The following PAMR1 variants were observed in gnomAD, a reference collection of about 807,000 sequenced individuals.
PAMR1 encodes inactive serine protease PAMR1.
Under a neutral mutation model 81.8 loss-of-function variants are expected in PAMR1, and 88 were observed. The observed-to-expected ratio is 1.08, with a 90% CI of 0.91 to 1.28. The LOEUF (loss-of-function observed/expected upper bound fraction) is 1.28, where lower values mean the gene tolerates loss of function less well. Among genes scored for constraint, PAMR1 ranks in the 50% most tolerant of loss-of-function variants. The pLI is 0.00. For missense variants in PAMR1, 935 were observed against 919.7 expected (o/e 1.02, Z -0.21); for synonymous variants, 336 against 345.3 (o/e 0.97, Z 0.30).
chr11:35,507,442 C>A (rs1401034246), intron 1 of PAMR1, among the ~76,000 whole-genome samples: 1 of 152,138 alleles, frequency 6.6e-6, no homozygotes, highest in African/African-American at 2.4e-5. Flanking sequence ...AGATGTATTT[C>A]TCAGTTCCAA....
At chr11:35,459,258 C>T (rs936345239) in intron 6 of PAMR1, among the ~76,000 whole-genome samples, 2 of 152,222 alleles carry the variant, frequency 1.3e-5, no homozygotes, top group Non-Finnish European at 2.9e-5. Context: ...ACAGCTGAAA[C>T]TGCCTGTGCC....
At chr11:35,507,991 T>A (rs1227528591) in intron 1 of PAMR1, among the ~76,000 whole-genome samples, 1 of 152,182 alleles carries the variant, frequency 6.6e-6, no homozygotes, top group Non-Finnish European at 1.5e-5. Context: ...TGGATGTACC[T>A]CCTGCAGCAT....
At chr11:35,453,012 G>C (rs919004849) in intron 6 of PAMR1, among the ~76,000 whole-genome samples, 3 of 152,132 alleles carry the variant, frequency 2.0e-5, no homozygotes, top group African/African-American at 7.2e-5. Context: ...TTTGTTGGTG[G>C]GTGGAAGGGA....
intron 7 of PAMR1, among the ~76,000 whole-genome samples, chr11:35,440,462 C>T (rs1462606849): frequency 1.3e-5 from 2 of 152,130 alleles, no homozygotes; most frequent in East Asian, 1.9e-4. Flanking sequence ...TTTCACAAAC[C>T]ATTCCCTTTC....
chr11:35,519,933 T>C (rs1258966494), intron 1 of PAMR1, among the ~76,000 whole-genome samples: 1 of 152,192 alleles, frequency 6.6e-6, no homozygotes. Flanking sequence ...TCCAGCTATA[T>C]GACCTGGGCA....
At chr11:35,491,976 T>C in intron 3 of PAMR1, 69 bp downstream of exon 3, 8 of 1,342,554 alleles carry the variant, frequency 6.0e-6, no homozygotes, top group Non-Finnish European at 7.9e-6. Flanking sequence ...AGATAAATTT[T>C]GGTCCATTGT....
intron 1 of PAMR1, among the ~76,000 whole-genome samples, chr11:35,504,909 G>GGT (rs35554399): frequency 6.6e-6 from 1 of 151,144 alleles, no homozygotes; most frequent in Non-Finnish European, 1.5e-5. Flanking sequence ...CTTACTTTGG[G>GGT]TTTTTTTGTT....
At chr11:35,456,100 C>T (rs546247113) in intron 6 of PAMR1, among the ~76,000 whole-genome samples, 1 of 152,200 alleles carries the variant, frequency 6.6e-6, no homozygotes, top group South Asian at 2.1e-4. Context: ...AGGAGAAAGA[C>T]AGAGAGAGAG....
intron 1 of PAMR1, among the ~76,000 whole-genome samples, chr11:35,510,658 G>C (rs374373536): frequency 6.6e-6 from 1 of 152,170 alleles, no homozygotes; most frequent in Non-Finnish European, 1.5e-5. Flanking sequence ...ATTAACAAAT[G>C]TATAAACATA....
At chr11:35,522,435 A>G (rs1658803166) in intron 1 of PAMR1, among the ~76,000 whole-genome samples, 1 of 152,160 alleles carries the variant, frequency 6.6e-6, no homozygotes, top group African/African-American at 2.4e-5. Flanking sequence ...ACCTCATATA[A>G]GTGGCATCAC....
At chr11:35,466,981 G>A (rs1198060739) in intron 6 of PAMR1, among the ~76,000 whole-genome samples, 1 of 151,900 alleles carries the variant, frequency 6.6e-6, no homozygotes, top group African/African-American at 2.4e-5. Context: ...CTCTTTCAGG[G>A]AACTGCTCAG....
chr11:35,469,103 G>C (rs758717973), intron 5 of PAMR1, among the ~76,000 whole-genome samples: 8 of 152,246 alleles, frequency 5.3e-5, no homozygotes, highest in Non-Finnish European at 1.2e-4. Flanking sequence ...CAAAGCCATA[G>C]CTTGTTGGAG....
chr11:35,520,341 C>T (rs1269134174), intron 1 of PAMR1, among the ~76,000 whole-genome samples: 1 of 152,202 alleles, frequency 6.6e-6, no homozygotes, highest in East Asian at 1.9e-4. Flanking sequence ...TATCTCCAGC[C>T]AACTCCAATT....
At chr11:35,478,556 C>CT (rs79913174) in intron 3 of PAMR1, among the ~76,000 whole-genome samples, 17 of 151,792 alleles carry the variant, frequency 1.1e-4, no homozygotes, top group African/African-American at 3.9e-4. Flanking sequence ...GAGGAGGGAG[C>CT]GCTCCCTCCC....
chr11:35,492,065 C>A lies in PAMR1; in HGVS notation c.359G>T (p.Trp120Leu). Reference protein sequence around the residue: ...GFYCAECRAGWYGGDCMRCGQ... With the variant: ...GFYCAECRAGLYGGDCMRCGQ... ...CTTACGCATGCAGTCTCCTCCGTACCAGCCTGCTCGGCACTCTGCACAGTA... is the reference window on the plus strand; with the variant it reads ...CTTACGCATGCAGTCTCCTCCGTACAAGCCTGCTCGGCACTCTGCACAGTA... Residue 120 changes from tryptophan (W) to leucine (L), a missense_variant, in exon 3 of 11, where the codon TGG becomes TTG. Coordinates refer to ENST00000619888, the MANE Select transcript of PAMR1 (RefSeq NM_001001991.3). The A allele has an allele frequency of 6.2e-7, 1 of 1,613,720 alleles. No homozygotes were observed. The highest frequency in any genetic ancestry group is 2.2e-5 in the East Asian group (1 of 44,870).
chr11:35,502,374 G>A (rs922437321), intron 1 of PAMR1, among the ~76,000 whole-genome samples: 13 of 152,056 alleles, frequency 8.5e-5, no homozygotes, highest in African/African-American at 2.9e-4. Context: ...TATTAAGCCT[G>A]GCATGCATTA....
rs765188574 is a variant in PAMR1 at position 35,494,158 on chromosome 11, C to T, written c.188G>A (p.Gly63Asp). Reference sequence around the variant, plus strand: ...ATTCCTGCAGCAAGGGATGGTATAACCCACGACTTCCCTCTTTCCGGGGCA... The same window carrying T: ...ATTCCTGCAGCAAGGGATGGTATAATCCACGACTTCCCTCTTTCCGGGGCA... ...CVCPGKREVV[G>D]YTIPCCRNEE... The change falls in exon 2 of 11, where the codon GGT (glycine) becomes GAT (aspartate). Residue 63 changes from glycine to aspartate, a missense_variant. Physicochemically the swap from Gly to Asp is moderately conservative, Grantham distance 94 (BLOSUM62 -1). Coordinates refer to ENST00000619888, the MANE Select transcript of PAMR1 (RefSeq NM_001001991.3). 5 of 1,613,976 alleles carry T rather than the reference C, an allele frequency of 3.1e-6. No individual in the cohort carries two copies. The Admixed American group carries it at 5.0e-5, about 16-fold the overall frequency.
intron 6 of PAMR1, among the ~76,000 whole-genome samples, chr11:35,460,455 C>T (rs971758162): frequency 1.3e-5 from 2 of 152,088 alleles, no homozygotes; most frequent in East Asian, 3.8e-4. Flanking sequence ...AGGTATATCT[C>T]CTAATGCTTT....
chr11:35,503,556 T>C lies in PAMR1; in HGVS notation c.74-9284A>G, dbSNP rs626658. On this transcript the variant is annotated intron_variant, in intron 1 of 10. Transcript: ENST00000619888. ...TGACCTCTTTAATTTCTTTCATCAGTGTTTCATAGTTTTCCTTGTATAGCT... is the reference window on the plus strand; with the variant it reads ...TGACCTCTTTAATTTCTTTCATCAGCGTTTCATAGTTTTCCTTGTATAGCT... 6.7e-3 allele frequency among the ~76,000 whole-genome samples: 1,014 copies of C among 152,240 alleles called. 19 individuals are homozygous for C. Among genetic ancestry groups the C allele is most frequent in the African/African-American group, 0.023 (949 of 41,554 alleles).
Sources: allele counts gnomAD v4.1 joint callset (sites outside exome capture counted in the v4.1 genomes callset), GRCh38; gene constraint gnomAD v4.1.1; transcripts MANE v1.5; gene names NCBI Gene and HGNC (gene_info 2026-07-23, HGNC 2026-07-21).